The following PNLDC1 variants were observed in gnomAD, a reference collection of about 807,000 sequenced individuals.
The protein encoded by PNLDC1 is poly(A)-specific ribonuclease PNLDC1.
A neutral mutation model predicts 82.0 loss-of-function variants in PNLDC1; 70 were observed. That is an observed-to-expected ratio of 0.85 (90% CI 0.70 to 1.04). The LOEUF is 1.04. Ranked by LOEUF, PNLDC1 falls within the 50% of genes least tolerant of loss-of-function variation. PNLDC1 has a pLI of 0.00. For synonymous variants in PNLDC1, 280 were observed against 249.3 expected, an observed-to-expected ratio of 1.12 and a Z score of -1.16; for missense variants, 631 against 661.1, an observed-to-expected ratio of 0.95 and a Z score of 0.50.
rs535513191 is a variant in PNLDC1 at position 159,803,983 on chromosome 6, T to C, written c.267T>C (p.Cys89=). 1.9e-6 allele frequency: 3 copies of C among 1,613,520 alleles called. No homozygotes were observed. The highest frequency in any genetic ancestry group is 2.5e-6 in the Non-Finnish European group (3 of 1,179,446). ...GEANKYIAHS[C]NFYLFPTTFG... Reference sequence around the variant, plus strand: ...ATTATAGGTATATAGCCCATTCTTGTAACTTCTATCTCTTCCCTACAACGT... The same window carrying C: ...ATTATAGGTATATAGCCCATTCTTGCAACTTCTATCTCTTCCCTACAACGT... Residue 89 remains cysteine (C), a synonymous_variant, in exon 5 of 19, where the codon TGT becomes TGC. Coordinates refer to ENST00000392167, the MANE Select transcript of PNLDC1 (RefSeq NM_001271862.2).
intron 3 of PNLDC1, among the ~76,000 whole-genome samples, chr6:159,802,669 G>C (rs1366270099): frequency 6.6e-6 from 1 of 152,098 alleles, no homozygotes; most frequent in Non-Finnish European, 1.5e-5. Flanking sequence ...CAACACCCTT[G>C]CCTCCCAGGC....
chr6:159,816,044 A>C lies in PNLDC1; in HGVS notation c.1060+11A>C. The C allele has an allele frequency of 6.3e-7, 1 of 1,589,532 alleles. No individual in the cohort carries two copies. The highest frequency in any genetic ancestry group is 8.6e-7 in the Non-Finnish European group (1 of 1,167,864). Reference sequence around the variant, plus strand: ...GGTGTGAGAAATATGGTACGTTCCCATGAGCCCATAATCCTTGCACAGTCG... The same window carrying C: ...GGTGTGAGAAATATGGTACGTTCCCCTGAGCCCATAATCCTTGCACAGTCG... On this transcript the variant is annotated intron_variant, in intron 13 of 18. Coordinates refer to ENST00000392167, the MANE Select transcript of PNLDC1 (RefSeq NM_001271862.2).
chr6:159,804,355 C>T (rs1225449120), intron 5 of PNLDC1, among the ~76,000 whole-genome samples, 194 bp from the exon 6 acceptor site: 2 of 152,168 alleles, frequency 1.3e-5, no homozygotes, highest in Admixed American at 6.5e-5. Context: ...CCACCTGCCT[C>T]GGCCTCCCAA....
rs1348547646 is a variant in PNLDC1, at chr6:159,820,438, T to C, written c.1533-16T>C. ...GCTGGGTGCCCCGGCCACTGACACG[T>C]GTCATTGTCTTGCAGAGTCTGTGGC... On this transcript the variant is annotated splice_polypyrimidine_tract_variant and intron_variant, in intron 18 of 18. Coordinates refer to ENST00000392167, the MANE Select transcript of PNLDC1 (RefSeq NM_001271862.2). 9 of 1,613,730 alleles carry C rather than the reference T, an allele frequency of 5.6e-6. No individual in the cohort carries two copies. The highest frequency in any genetic ancestry group is 6.8e-6 in the Non-Finnish European group (8 of 1,179,932).
At chr6:159,807,785 G>A (rs1781501369) in intron 7 of PNLDC1, among the ~76,000 whole-genome samples, 1 of 152,152 alleles carries the variant, frequency 6.6e-6, no homozygotes, top group Non-Finnish European at 1.5e-5. Context: ...ATTCCACAGT[G>A]CAATTAATCT....
chr6:159,801,886 TA>T (rs796639214), intron 3 of PNLDC1, among the ~76,000 whole-genome samples: 26 of 152,212 alleles, frequency 1.7e-4, no homozygotes, highest in African/African-American at 6.3e-4. Context: ...TTTGTTGATT[TA>T]GTTATTAGTT....
chr6:159,807,183 G>A (rs966158571), intron 7 of PNLDC1, among the ~76,000 whole-genome samples: 33 of 152,082 alleles, frequency 2.2e-4, no homozygotes, highest in Non-Finnish European at 3.4e-4. Context: ...ATGAGCCACC[G>A]CACCCGGCCC....
Position 159,809,008 on chromosome 6 carries a change from T to C in PNLDC1, c.640-7T>C, listed in dbSNP as rs543515099. 1 of 1,611,614 alleles carries C rather than the reference T, an allele frequency of 6.2e-7. No individual in the cohort carries two copies. Among genetic ancestry groups the C allele is most frequent in the South Asian group, 1.1e-5 (1 of 90,660 alleles). ...CAGGATTCAGGGAATTTGTCCCTGC[T>C]TTTCAGGTGGTAGTGAAGAAAGTGA... On this transcript the variant is annotated splice_region_variant and splice_polypyrimidine_tract_variant and intron_variant, in intron 8 of 18. Transcript: ENST00000392167.
In PNLDC1 at chr6:159,800,835, A is replaced by T; in HGVS notation, c.134+6A>T. On this transcript the variant is annotated splice_donor_region_variant and intron_variant, in intron 2 of 18. Coordinates refer to ENST00000392167, the MANE Select transcript of PNLDC1 (RefSeq NM_001271862.2). Reference sequence around the variant, plus strand: ...TCTGGGCCCCAGCAGATCAGGTAAAACTAAAGCTGTGTCCCCTCTGTATAA... The same window carrying T: ...TCTGGGCCCCAGCAGATCAGGTAAATCTAAAGCTGTGTCCCCTCTGTATAA... 1 of 1,614,030 alleles carries T rather than the reference A, an allele frequency of 6.2e-7. No homozygotes were observed. The highest frequency in any genetic ancestry group is 1.3e-5 in the African/African-American group (1 of 75,004).
In PNLDC1 at chr6:159,816,585, T is replaced by C; in HGVS notation, c.1103T>C (p.Leu368Pro). The C allele has an allele frequency of 1.2e-6, 2 of 1,613,228 alleles. No homozygotes were observed. Among genetic ancestry groups the C allele is most frequent in the South Asian group, 1.1e-5 (1 of 91,054 alleles). ...CPHEAAYDAF[L>P]CGSVLLKVAH... ...CACGAAGCCGCGTATGATGCCTTCC[T>C]CTGTGGGTCAGGTAAGGATTGCGGT... The change falls in exon 14 of 19, where the codon CTC becomes CCC. Residue 368 changes from leucine (L) to proline (P), a missense_variant. By Grantham distance (98) the Leu-to-Pro change is moderately conservative. Transcript: ENST00000392167.
upstream of PNLDC1, chr6:159,800,262 G>A: frequency 6.6e-7 from 1 of 1,516,678 alleles, no homozygotes; most frequent in East Asian, 2.5e-5. Context: ...GGCAGCACGT[G>A]GGCAGCACGT....
intron 18 of PNLDC1, 115 bp from the exon 19 acceptor site, chr6:159,820,339 C>G (rs1781997517): frequency 3.0e-6 from 3 of 988,700 alleles, no homozygotes; most frequent in Middle Eastern, 2.5e-4. Flanking sequence ...GGGAGAGTGA[C>G]AGCAAGAAAG....
chr6:159,800,702 A>G (rs1562494491), intron 1 of PNLDC1, 70 bp from the exon 2 acceptor site: 4 of 1,614,142 alleles, frequency 2.5e-6, no homozygotes, highest in African/African-American at 1.3e-5. Flanking sequence ...GGCCGCCTGC[A>G]GATCTACAGT....
chr6:159,807,625 C>T (rs962326262), intron 7 of PNLDC1, among the ~76,000 whole-genome samples: 1 of 152,152 alleles, frequency 6.6e-6, no homozygotes, highest in East Asian at 1.9e-4. Context: ...CCTACATAAC[C>T]CTGCCAACCA....
intron 15 of PNLDC1, 89 bp from the exon 16 acceptor site, chr6:159,818,466 T>G: frequency 1.7e-6 from 2 of 1,198,950 alleles, no homozygotes; most frequent in Non-Finnish European, 2.5e-6. Flanking sequence ...GGAGTGTCCT[T>G]CTGTTCTGTC....
intron 3 of PNLDC1, among the ~76,000 whole-genome samples, chr6:159,801,404 G>A (rs1044358312): frequency 4.6e-5 from 7 of 152,130 alleles, no homozygotes; most frequent in African/African-American, 1.7e-4. Context: ...CAGTATTAAG[G>A]AACACTCACT....
At chr6:159,808,240 A>G (rs977076194) in intron 7 of PNLDC1, among the ~76,000 whole-genome samples, 3 of 152,248 alleles carry the variant, frequency 2.0e-5, no homozygotes, top group Non-Finnish European at 2.9e-5. Flanking sequence ...TTATGTTTCA[A>G]TGATCACAAC....
intron 18 of PNLDC1, 71 bp from the exon 19 acceptor site, chr6:159,820,383 G>T: frequency 6.9e-7 from 1 of 1,452,316 alleles, no homozygotes; most frequent in East Asian, 2.3e-5. Flanking sequence ...GAAGGAGGAG[G>T]GGCAAGCCTG....
chr6:159,813,966 G>A (rs771541516), intron 12 of PNLDC1, among the ~76,000 whole-genome samples: 3 of 152,102 alleles, frequency 2.0e-5, no homozygotes, highest in African/African-American at 2.4e-5. Flanking sequence ...CCCTGTGCAA[G>A]GCCAGGCAGG....
Sources: gnomAD v4.1 joint callset for allele counts (sites outside exome capture counted in the v4.1 genomes callset) on GRCh38, gnomAD v4.1.1 for gene constraint, MANE v1.5 for transcripts, NCBI Gene and HGNC (gene_info 2026-07-23, HGNC 2026-07-21) for gene names.